The following LRRC4C variants were observed in gnomAD, a reference collection of about 807,000 sequenced individuals.
The protein encoded by LRRC4C is leucine-rich repeat-containing protein 4C.
LRRC4C carries 5 observed loss-of-function variants against 33.6 expected under a neutral mutation model. The ratio of observed to expected loss-of-function variants is 0.15; its 90% CI spans 0.08 to 0.31. The LOEUF (loss-of-function observed/expected upper bound fraction) is 0.31, where lower values mean the gene tolerates loss of function less well. Ranked by LOEUF, LRRC4C falls within the 10% of genes least tolerant of loss-of-function variation. The pLI, the probability that LRRC4C is intolerant of heterozygous loss-of-function variation, is 1.00. For synonymous variants in LRRC4C, 329 were observed against 302.0 expected (o/e 1.09, Z -0.93); for missense variants, 560 against 796.7 (o/e 0.70, Z 3.58).
rs532127942 is a variant in LRRC4C, at chr11:41,091,305, G to T, written c.-495-157582C>A. Among the ~76,000 whole-genome samples the T allele has an allele frequency of 4.6e-5, 7 of 151,974 alleles. No individual in the cohort carries two copies. In the East Asian group the frequency reaches 1.4e-3, roughly 29 times the overall value. On this transcript the variant is annotated intron_variant, in intron 1 of 6. Coordinates refer to ENST00000528697, the MANE Select transcript of LRRC4C (RefSeq NM_001258419.2). Reference sequence around the variant, plus strand: ...AATTGAAAATACAGAAATGGAAGACGCTTTCTCTGGAGAATGACCATATGC... The same window carrying T: ...AATTGAAAATACAGAAATGGAAGACTCTTTCTCTGGAGAATGACCATATGC...
intron 2 of LRRC4C, among the ~76,000 whole-genome samples, chr11:40,654,568 A>G (rs557947085): frequency 6.6e-6 from 1 of 152,274 alleles, no homozygotes; most frequent in Admixed American, 6.5e-5. Context: ...CTGGACTCCC[A>G]TTGTATCTAG....
chr11:41,059,216 T>TTTTTTTG (rs1565344388), intron 1 of LRRC4C, among the ~76,000 whole-genome samples: 13 of 149,458 alleles, frequency 8.7e-5, no homozygotes, highest in Non-Finnish European at 1.8e-4. Flanking sequence ...AAAAGTTTTT[T>TTTTTTTG]TTTTTTTTTA....
chr11:40,988,843 A>T (rs1281809180), intron 1 of LRRC4C, among the ~76,000 whole-genome samples: 1 of 148,426 alleles, frequency 6.7e-6, no homozygotes, highest in Non-Finnish European at 1.5e-5. Context: ...CAGCCTCCCG[A>T]GTAGCTGGGA....
intron 1 of LRRC4C, among the ~76,000 whole-genome samples, chr11:41,075,675 T>A (rs1007458930): frequency 1.3e-5 from 2 of 152,142 alleles, no homozygotes; most frequent in Non-Finnish European, 2.9e-5. Context: ...CTAATCAACA[T>A]TCACTACATT....
At chr11:40,684,582 T>G (rs1944864308) in intron 2 of LRRC4C, among the ~76,000 whole-genome samples, 1 of 152,096 alleles carries the variant, frequency 6.6e-6, no homozygotes, top group Non-Finnish European at 1.5e-5. Flanking sequence ...GAAGGATTTT[T>G]TTTAGAATTG....
chr11:40,759,622 G>T (rs1489836055), intron 2 of LRRC4C, among the ~76,000 whole-genome samples: 1 of 151,862 alleles, frequency 6.6e-6, no homozygotes, highest in Non-Finnish European at 1.5e-5. Context: ...TTGTACCCTA[G>T]CCTATTACAC....
chr11:40,450,780 A>G (rs1951846723), intron 3 of LRRC4C, among the ~76,000 whole-genome samples: 1 of 151,652 alleles, frequency 6.6e-6, no homozygotes, highest in South Asian at 2.1e-4. Context: ...AAAATTAAAA[A>G]AAAAAAAAAA....
chr11:40,553,097 C>T (rs2135456494), intron 3 of LRRC4C, among the ~76,000 whole-genome samples: 1 of 152,166 alleles, frequency 6.6e-6, no homozygotes, highest in East Asian at 1.9e-4. Flanking sequence ...GTGGCAAAAC[C>T]CTGTCTCTAC....
intron 1 of LRRC4C, among the ~76,000 whole-genome samples, chr11:41,358,263 C>T (rs1000798122): frequency 1.3e-5 from 2 of 152,044 alleles, no homozygotes; most frequent in Middle Eastern, 3.2e-3. Context: ...CAATGGATCA[C>T]AAACCTCAAT....
In LRRC4C at chr11:41,360,183, A is replaced by AAAAC. The variant is rs375099968; in HGVS notation, c.-496+99244_-496+99247dup. Among the ~76,000 whole-genome samples the AAAAC allele has an allele frequency of 2.9e-3, 443 of 152,222 alleles. 2 individuals carry two copies. The highest frequency in any genetic ancestry group is 8.7e-3 in the African/African-American group (362 of 41,560). ...GGATGACAAAGGGGGACCCTGTCTC[A>AAAAC]AAACAAACAAACAAACAAACAAACA... On this transcript the variant is annotated intron_variant, in intron 1 of 6. Transcript: ENST00000528697.
At chr11:41,118,859 T>C (rs1319462243) in intron 1 of LRRC4C, among the ~76,000 whole-genome samples, 2 of 152,156 alleles carry the variant, frequency 1.3e-5, no homozygotes, top group Non-Finnish European at 2.9e-5. Flanking sequence ...TTTCATTACA[T>C]CATAGAGTGT....
intron 2 of LRRC4C, among the ~76,000 whole-genome samples, chr11:40,879,263 A>C (rs2091517392): frequency 1.3e-5 from 2 of 152,170 alleles, no homozygotes; most frequent in African/African-American, 4.8e-5. Flanking sequence ...AAGCAGCTAT[A>C]AAACTCCATC....
At position 40,965,697 on chromosome 11, in the gene LRRC4C, A is replaced by C. The variant is rs183423120; in HGVS notation, c.-495-31974T>G. Reference sequence around the variant, plus strand: ...TAGGTGTAGACATATGGCATTATTTATGAGGGTTCTGTTCTGTTCCATTGG... The same window carrying C: ...TAGGTGTAGACATATGGCATTATTTCTGAGGGTTCTGTTCTGTTCCATTGG... On this transcript the variant is annotated intron_variant, in intron 1 of 6. Coordinates refer to ENST00000528697, the MANE Select transcript of LRRC4C (RefSeq NM_001258419.2). Among the ~76,000 whole-genome samples the C allele has an allele frequency of 6.6e-5, 10 of 151,846 alleles. No individual in the cohort carries two copies. In the East Asian group the frequency reaches 1.7e-3, roughly 27 times the overall value.
At chr11:41,002,937 T>C (rs1286864880) in intron 1 of LRRC4C, among the ~76,000 whole-genome samples, 1 of 152,168 alleles carries the variant, frequency 6.6e-6, no homozygotes, top group Non-Finnish European at 1.5e-5. Context: ...AATGTTACAT[T>C]GTAGTTATGT....
intron 2 of LRRC4C, among the ~76,000 whole-genome samples, chr11:40,739,300 A>C (rs745782410): frequency 3.3e-5 from 5 of 151,924 alleles, no homozygotes; most frequent in African/African-American, 4.8e-5. Context: ...ACAAGTAAGT[A>C]TATATAGTAT....
At chr11:40,499,807 A>G (rs1458688812) in intron 3 of LRRC4C, among the ~76,000 whole-genome samples, 2 of 152,180 alleles carry the variant, frequency 1.3e-5, no homozygotes, top group East Asian at 3.9e-4. Context: ...ACCTCAACAA[A>G]CAAGCTGGAC....
intron 1 of LRRC4C, among the ~76,000 whole-genome samples, chr11:41,068,987 T>C (rs1434032398): frequency 6.6e-6 from 1 of 152,078 alleles, no homozygotes; most frequent in Non-Finnish European, 1.5e-5. Context: ...CTCAGGCCAA[T>C]ATTCCTGATA....
chr11:41,209,263 T>C (rs1186869200), intron 1 of LRRC4C, among the ~76,000 whole-genome samples: 1 of 150,258 alleles, frequency 6.7e-6, no homozygotes, highest in African/African-American at 2.4e-5. Context: ...ATATATTAAT[T>C]ATTTGTAAAG....
intron 1 of LRRC4C, among the ~76,000 whole-genome samples, chr11:41,049,006 C>T (rs759305245): frequency 2.0e-5 from 3 of 152,150 alleles, no homozygotes; most frequent in Non-Finnish European, 4.4e-5. Flanking sequence ...TAGGCAGGTA[C>T]TAGGTATGTA....
Sources: gnomAD v4.1 joint callset for allele counts (sites outside exome capture counted in the v4.1 genomes callset) on GRCh38, gnomAD v4.1.1 for gene constraint, MANE v1.5 for transcripts, NCBI Gene and HGNC (gene_info 2026-07-23, HGNC 2026-07-21) for gene names.